LMO7: variants seen among roughly 807,000 people sequenced by gnomAD.
LMO7 encodes the protein LIM domain 7, also known as LIM domain only protein 7.
In LMO7, 120 loss-of-function variants were observed where a neutral mutation model predicts 206.5. The observed-to-expected ratio is 0.58, with a 90% CI of 0.50 to 0.68. LMO7 has a LOEUF of 0.68. Ranked by LOEUF, LMO7 falls within the 30% of genes least tolerant of loss-of-function variation. LMO7 has a pLI of 0.00. For missense variants in LMO7, 1,959 were observed against 1,957.9 expected, an observed-to-expected ratio of 1.00 and a Z score of -0.01; for synonymous variants, 706 against 681.5, an observed-to-expected ratio of 1.04 and a Z score of -0.56.
At chr13:75,841,038 G>C in intron 22 of LMO7, 71 bp from the exon 23 acceptor site, 3 of 928,518 alleles carry the variant, frequency 3.2e-6, no homozygotes. Context: ...GATCATAAAA[G>C]TGTTAATAAA....
chr13:75,630,299 C>G (rs1245404956), intron 2 of LMO7, among the ~76,000 whole-genome samples: 1 of 152,174 alleles, frequency 6.6e-6, no homozygotes, highest in Non-Finnish European at 1.5e-5. Flanking sequence ...CAGATTTTCT[C>G]ATTTATAAAA....
chr13:75,770,192 C>T (rs2139997086), intron 4 of LMO7, among the ~76,000 whole-genome samples: 1 of 150,310 alleles, frequency 6.7e-6, no homozygotes, highest in South Asian at 2.1e-4. Context: ...TTTTTTTTTC[C>T]CCACCGAAGG....
chr13:75,831,462 C>T (rs909139619), intron 15 of LMO7, among the ~76,000 whole-genome samples: 1 of 152,106 alleles, frequency 6.6e-6, no homozygotes, highest in African/African-American at 2.4e-5. Context: ...TTCTTGTGTA[C>T]TCAGTCCATT....
At chr13:75,639,315 G>A (rs983952298) in intron 1 of LMO7, among the ~76,000 whole-genome samples, 2 of 152,108 alleles carry the variant, frequency 1.3e-5, no homozygotes, top group Middle Eastern at 3.2e-3. Context: ...ATATACTTGA[G>A]TATATATAAA....
intron 21 of LMO7, 127 bp from the exon 22 acceptor site, chr13:75,840,264 G>A: frequency 1.5e-6 from 2 of 1,369,344 alleles, no homozygotes; most frequent in Non-Finnish European, 2.1e-6. Flanking sequence ...TTCAAAGCCA[G>A]CTCTCCCTTG....
intron 3 of LMO7, chr13:75,760,485 C>A: frequency 7.9e-7 from 1 of 1,265,612 alleles, no homozygotes; most frequent in Non-Finnish European, 9.9e-7. Flanking sequence ...GAATGTTCCT[C>A]CTCTTATTTC....
chr13:75,677,365 T>C (rs567274057), intron 1 of LMO7, among the ~76,000 whole-genome samples: 1 of 152,376 alleles, frequency 6.6e-6, no homozygotes, highest in Admixed American at 6.5e-5. Context: ...ATCTGTCATA[T>C]ATTGCTGTTT....
At chr13:75,709,134 T>C (rs2042882798) in intron 1 of LMO7, among the ~76,000 whole-genome samples, 1 of 152,230 alleles carries the variant, frequency 6.6e-6, no homozygotes, top group African/African-American at 2.4e-5. Flanking sequence ...AACTCATCAT[T>C]TTTTATGGCA....
intron 6 of LMO7, among the ~76,000 whole-genome samples, chr13:75,798,437 A>T (rs547071886): frequency 6.6e-6 from 1 of 152,354 alleles, no homozygotes; most frequent in South Asian, 2.1e-4. Flanking sequence ...TTTTAATGAC[A>T]GTCTGACTCA....
rs537961373 is a variant in LMO7 at position 75,678,787 on chromosome 13, G to A, written c.70-34395G>A. ...TGTTTGAAATTTGCCATAAATACAAGCGTTTTAGATGTTCCATGATTAACG... is the reference window on the plus strand; with the variant it reads ...TGTTTGAAATTTGCCATAAATACAAACGTTTTAGATGTTCCATGATTAACG... On this transcript the variant is annotated intron_variant, in intron 1 of 30. Coordinates refer to ENST00000377534, the MANE Select transcript of LMO7 (RefSeq NM_001306080.2). Among the ~76,000 whole-genome samples the A allele has an allele frequency of 9.8e-5, 15 of 152,288 alleles. No individual in the cohort carries two copies. In the South Asian group the frequency reaches 2.7e-3, roughly 27 times the overall value.
chr13:75,675,636 A>G (rs2039940484), intron 1 of LMO7, among the ~76,000 whole-genome samples: 1 of 152,184 alleles, frequency 6.6e-6, no homozygotes, highest in Non-Finnish European at 1.5e-5. Context: ...TTCTGAACCA[A>G]CAAGACAAAT....
chr13:75,713,462 G>T (rs1260131371), intron 2 of LMO7, among the ~76,000 whole-genome samples: 2 of 152,058 alleles, frequency 1.3e-5, no homozygotes, highest in African/African-American at 4.8e-5. Flanking sequence ...GATAGCACTG[G>T]TAAAATATAT....
rs2057571275 is a variant in LMO7, at chr13:75,821,553, C to T, written c.2584C>T (p.Pro862Ser). The T allele has an allele frequency of 1.7e-5, 27 of 1,613,994 alleles. No individual in the cohort carries two copies. The highest frequency in any genetic ancestry group is 2.3e-5 in the Non-Finnish European group (27 of 1,179,916). Residue 862 changes from proline to serine, a missense_variant, in exon 14 of 31, where the codon CCA (proline) becomes TCA (serine). Pro to Ser is a moderately conservative substitution (Grantham distance 74). Transcript: ENST00000377534. ...AGTCAGGTTAACATCTGTGGTCACA[C>T]CAAGACCCTTTGGCTCTCAGACAAG... The part of the protein sequence containing the change: ...DTVRLTSVVT[P>S]RPFGSQTRGI...
chr13:75,835,436 G>C (rs2059038584), intron 18 of LMO7, 97 bp downstream of exon 18: 1 of 687,350 alleles, frequency 1.5e-6, no homozygotes, highest in Non-Finnish European at 2.3e-6. Context: ...GTACAATTTT[G>C]ATGCTAACTT....
intron 2 of LMO7, among the ~76,000 whole-genome samples, chr13:75,626,595 A>ATTTTTTTTTTTTTT (rs1240937141): frequency 0.012 from 852 of 71,076 alleles, 84 homozygotes; most frequent in Non-Finnish European, 0.024. Flanking sequence ...ATATATATAA[A>ATTTTTTTTTTTTTT]TTTTTTTGAG....
At chr13:75,653,225 A>T (rs887128637) in intron 1 of LMO7, among the ~76,000 whole-genome samples, 7 of 152,264 alleles carry the variant, frequency 4.6e-5, no homozygotes, top group Non-Finnish European at 1.0e-4. Flanking sequence ...TCTAAGTTCC[A>T]GTCACTTCAA....
At chr13:75,638,714 C>A (rs1351373076) in intron 1 of LMO7, among the ~76,000 whole-genome samples, 1 of 152,110 alleles carries the variant, frequency 6.6e-6, no homozygotes, top group Admixed American at 6.6e-5. Flanking sequence ...TATTTTGTTT[C>A]TCCAGTGTCC....
At chr13:75,771,028 A>C (rs1044046635) in intron 4 of LMO7, among the ~76,000 whole-genome samples, 4 of 152,104 alleles carry the variant, frequency 2.6e-5, no homozygotes, top group Admixed American at 6.6e-5. Context: ...AGAAATTATC[A>C]TGAGTTGCTT....
chr13:75,751,905 C>T (rs1310041050), intron 3 of LMO7, among the ~76,000 whole-genome samples: 1 of 152,060 alleles, frequency 6.6e-6, no homozygotes, highest in Non-Finnish European at 1.5e-5. Flanking sequence ...GGTTGTCATG[C>T]TTGAAATTTT....
Sources: gnomAD v4.1 joint callset for allele counts (sites outside exome capture counted in the v4.1 genomes callset) on GRCh38, gnomAD v4.1.1 for gene constraint, MANE v1.5 for transcripts, NCBI Gene and HGNC (gene_info 2026-07-23, HGNC 2026-07-21) for gene names.